The following OTOGL variants were observed in gnomAD, a reference collection of about 807,000 sequenced individuals.
OTOGL encodes the protein otogelin like, also known as otogelin-like protein.
In OTOGL, 285 loss-of-function variants were observed where a neutral mutation model predicts 318.5. That is an observed-to-expected ratio of 0.89 (90% CI 0.81 to 0.99). The LOEUF is 0.99. OTOGL is among the 50% of genes least tolerant of loss of function. The pLI, the probability that OTOGL is intolerant of heterozygous loss-of-function variation, is 0.00. For synonymous variants in OTOGL, 987 were observed against 936.5 expected, an observed-to-expected ratio of 1.05 and a Z score of -0.99; for missense variants, 2,899 against 2,845.6, an observed-to-expected ratio of 1.02 and a Z score of -0.43.
At chr12:80,148,111 G>A (rs540481983) in intron 1 of OTOGL, among the ~76,000 whole-genome samples, 16 of 151,588 alleles carry the variant, frequency 1.1e-4, no homozygotes. Context: ...GTTAGCTGGT[G>A]ATTTTGCTCG....
chr12:80,300,107 A>G (rs1458391010), intron 27 of OTOGL, among the ~76,000 whole-genome samples: 2 of 152,172 alleles, frequency 1.3e-5, no homozygotes, highest in Non-Finnish European at 2.9e-5. Context: ...TTTCTGTGGC[A>G]GAGACTGACT....
chr12:80,176,740 C>G (rs149769944), intron 1 of OTOGL, among the ~76,000 whole-genome samples: 2 of 152,060 alleles, frequency 1.3e-5, no homozygotes, highest in East Asian at 3.9e-4. Flanking sequence ...GCTTTCATTT[C>G]TCTTGGGTAA....
intron 1 of OTOGL, among the ~76,000 whole-genome samples, chr12:80,180,586 G>T (rs1209072215): frequency 6.6e-6 from 1 of 152,186 alleles, no homozygotes; most frequent in African/African-American, 2.4e-5. Context: ...CCCATTTAAG[G>T]TGGGTCAGTT....
rs894132940 is a variant in OTOGL, at chr12:80,102,794, A to G, written c.-20+3189A>G. The G allele has an allele frequency of 2.3e-5, 14 of 619,598 alleles. No homozygotes were observed. In the Admixed American group the frequency reaches 2.9e-4, roughly 13 times the overall value. The allele number at this position is 619,598 out of a possible 1,614,324, so 38.4% of individuals were successfully genotyped here. On this transcript the variant is annotated intron_variant, in intron 1 of 58. Coordinates refer to ENST00000547103, the MANE Select transcript of OTOGL (RefSeq NM_001378609.3). ...CTACTGATGGATGGACTAGTTTCCC[A>G]GAGTTGTCTCTTACCAACTCTTTAC...
At position 80,219,850 on chromosome 12, in the gene OTOGL, G is replaced by C. The variant is rs757216412; in HGVS notation, c.272G>C (p.Cys91Ser). Residue 91 changes from cysteine to serine, a missense_variant, in exon 6 of 59, where the codon TGT (cysteine) becomes TCT (serine). Physicochemically the swap from Cys to Ser is moderately radical, Grantham distance 112. This residue lies in a region of OTOGL where 2,607 missense variants were observed against 2,524.9 expected (regional missense o/e 1.03). Coordinates refer to ENST00000547103, the MANE Select transcript of OTOGL (RefSeq NM_001378609.3). ...TATGAATGCCTTAATGGAGCTTTCT[G>C]TTCTAAGACTGGAACATGTGACTGT... ...CPYECLNGAF[C>S]SKTGTCDCQI... The C allele has an allele frequency of 4.4e-6, 7 of 1,587,304 alleles. No individual in the cohort carries two copies. The highest frequency in any genetic ancestry group is 1.7e-5 in the Admixed American group (1 of 59,244).
In OTOGL at chr12:80,258,117, A is replaced by G. The variant is rs531227329; in HGVS notation, c.1889+115A>G. 24 of 895,274 alleles carry G rather than the reference A, an allele frequency of 2.7e-5. No individual in the cohort carries two copies. The African/African-American group carries it at 3.1e-4, about 12-fold the overall frequency. The allele number at this position is 895,274 out of a possible 1,614,324, so 55.5% of individuals were successfully genotyped here. On this transcript the variant is annotated intron_variant, in intron 18 of 58. Coordinates refer to ENST00000547103, the MANE Select transcript of OTOGL (RefSeq NM_001378609.3). ...TGCTTAGCTGTCATTATCCCAAGAG[A>G]TTTACATGGATCATCGTATTTAAAA...
chr12:80,216,136 G>A (rs1877695986), intron 4 of OTOGL, among the ~76,000 whole-genome samples: 1 of 152,112 alleles, frequency 6.6e-6, no homozygotes, highest in African/African-American at 2.4e-5. Flanking sequence ...GAAACACAGC[G>A]AGACCCCATC....
chr12:80,363,991 G>A (rs928256258), intron 52 of OTOGL, among the ~76,000 whole-genome samples: 1 of 151,874 alleles, frequency 6.6e-6, no homozygotes, highest in African/African-American at 2.4e-5. Flanking sequence ...TCCCTCCCCA[G>A]CATTTGTGCT....
intron 57 of OTOGL, among the ~76,000 whole-genome samples, chr12:80,375,686 G>A (rs767518835): frequency 2.6e-5 from 4 of 152,122 alleles, no homozygotes; most frequent in East Asian, 1.9e-4. Context: ...GCTATTGCAC[G>A]GAAAGTGAGA....
chr12:80,180,690 G>A (rs894057430), intron 1 of OTOGL, among the ~76,000 whole-genome samples: 4 of 152,180 alleles, frequency 2.6e-5, no homozygotes, highest in Admixed American at 2.0e-4. Context: ...GCTTGTTTTA[G>A]TGTTGTAGGT....
intron 7 of OTOGL, among the ~76,000 whole-genome samples, chr12:80,222,842 T>C (rs1188292879): frequency 6.6e-6 from 1 of 152,192 alleles, no homozygotes; most frequent in African/African-American, 2.4e-5. Flanking sequence ...TTTACTTACG[T>C]TGGGGCTGCC....
intron 1 of OTOGL, among the ~76,000 whole-genome samples, chr12:80,208,552 G>A (rs1212828346): frequency 6.6e-6 from 1 of 152,066 alleles, no homozygotes; most frequent in South Asian, 2.1e-4. Context: ...TAAGGTGTGG[G>A]GCTCAGATCT....
chr12:80,370,466 C>T (rs1217779429), intron 55 of OTOGL, 104 bp from the exon 56 acceptor site: 1 of 984,378 alleles, frequency 1.0e-6, no homozygotes, highest in African/African-American at 1.7e-5. Context: ...TCACAAGAAG[C>T]CTTTGCATCT....
At chr12:80,135,603 C>T (rs1324712181) in intron 1 of OTOGL, among the ~76,000 whole-genome samples, 1 of 152,094 alleles carries the variant, frequency 6.6e-6, no homozygotes, top group African/African-American at 2.4e-5. Context: ...GAATGACAGT[C>T]ATACTCTTTA....
Position 80,323,097 on chromosome 12 carries a change from TACACACACACACACACAC to T in OTOGL, c.4082-592_4082-575del, listed in dbSNP as rs200949284. On this transcript the variant is annotated intron_variant, in intron 34 of 58. Coordinates refer to ENST00000547103, the MANE Select transcript of OTOGL (RefSeq NM_001378609.3). ...GATGTGAAGACAGATGAAAACCCAC[TACACACACACACACACAC>T]ACACACACACACACACACACACACA... Among the ~76,000 whole-genome samples, 251 of 127,136 alleles carry T rather than the reference TACACACACACACACACAC, an allele frequency of 2.0e-3. 1 individual carries two copies. Among genetic ancestry groups the T allele is most frequent in the Admixed American group, 4.9e-3 (61 of 12,356 alleles). The allele number at this position is 127,136 out of a possible 152,430, so 83.4% of individuals were successfully genotyped here. A position where few individuals can be genotyped will look rare whatever the true frequency, so the allele number is the denominator to read the frequency against.
chr12:80,207,457 G>A (rs894808585), intron 1 of OTOGL, among the ~76,000 whole-genome samples: 3 of 151,762 alleles, frequency 2.0e-5, no homozygotes, highest in Non-Finnish European at 4.4e-5. Context: ...CCCCTGGCTC[G>A]GCCTCCCAAA....
rs769499824 is a variant in OTOGL, at chr12:80,265,151, C to A, written c.2165C>A (p.Ala722Asp). Residue 722 changes from alanine (A) to aspartate (D), a missense_variant, in exon 20 of 59, where the codon GCC (alanine) becomes GAC (aspartate). By Grantham distance (126) the Ala-to-Asp change is moderately radical. Transcript: ENST00000547103. ...CTGTGCAATGCTCTTGCCCACTATG[C>A]CTACCTCTGCGGCCAGCACGGTGTT... ...SCLCNALAHY[A>D]YLCGQHGVPI... 7 of 1,613,862 alleles carry A rather than the reference C, an allele frequency of 4.3e-6. No homozygotes were observed. The highest frequency in any genetic ancestry group is 5.9e-6 in the Non-Finnish European group (7 of 1,179,852).
chr12:80,355,224 C>CTTTTTTTTTTTTTT (rs11343611), intron 46 of OTOGL, among the ~76,000 whole-genome samples: 5 of 65,600 alleles, frequency 7.6e-5, no homozygotes, highest in Non-Finnish European at 8.9e-5. Context: ...TTCTTTCTTT[C>CTTTTTTTTTTTTTT]TTTTCTTTTT....
intron 46 of OTOGL, among the ~76,000 whole-genome samples, chr12:80,354,746 T>C (rs1336346617): frequency 6.6e-6 from 1 of 152,198 alleles, no homozygotes; most frequent in Non-Finnish European, 1.5e-5. Flanking sequence ...TCTTTAGAGA[T>C]CTATGAGATT....
Sources: gnomAD v4.1 joint callset for allele counts (sites outside exome capture counted in the v4.1 genomes callset) on GRCh38, gnomAD v4.1.1 for gene constraint, gnomAD v4.1.1 regional missense constraint, MANE v1.5 for transcripts, NCBI Gene and HGNC (gene_info 2026-07-23, HGNC 2026-07-21) for gene names.